The following THSD4 variants were observed in gnomAD, a reference collection of about 807,000 sequenced individuals.
THSD4 encodes thrombospondin type 1 domain containing 4, also known as thrombospondin type-1 domain-containing protein 4.
In THSD4, 69 loss-of-function variants were observed where a neutral mutation model predicts 119.0. The observed-to-expected ratio is 0.58, with a 90% confidence interval of 0.48 to 0.71. The LOEUF is 0.71. Among genes scored for constraint, THSD4 ranks in the 30% least tolerant of loss-of-function variants. The pLI is 0.00. For synonymous variants in THSD4, 524 were observed against 540.4 expected, an observed-to-expected ratio of 0.97 and a Z score of 0.42; for missense variants, 1,393 against 1,391.1, an observed-to-expected ratio of 1.00 and a Z score of -0.02.
At chr15:71,157,952 A>G (rs1326650373) in intron 3 of THSD4, among the ~76,000 whole-genome samples, 1 of 151,982 alleles carries the variant, frequency 6.6e-6, no homozygotes, top group Admixed American at 6.6e-5. Context: ...ACATAGGGGC[A>G]CAGATGTTTC....
intron 6 of THSD4, among the ~76,000 whole-genome samples, chr15:71,268,886 G>A (rs2044496332): frequency 6.6e-6 from 1 of 151,956 alleles, no homozygotes; most frequent in Non-Finnish European, 1.5e-5. Flanking sequence ...ATTCCTGGAT[G>A]AATACACCCT....
intron 4 of THSD4, among the ~76,000 whole-genome samples, chr15:71,223,660 G>A (rs978621518): frequency 6.6e-6 from 1 of 152,200 alleles, no homozygotes; most frequent in South Asian, 2.1e-4. Context: ...GGGGTAGACA[G>A]GTGAAAGAGG....
intron 2 of THSD4, among the ~76,000 whole-genome samples, chr15:71,152,793 T>C (rs1171222786): frequency 6.6e-6 from 1 of 152,184 alleles, no homozygotes; most frequent in African/African-American, 2.4e-5. Context: ...GCTCTCCTGC[T>C]GCGCCATGCC....
At position 71,758,003 on chromosome 15, in the gene THSD4, G is replaced by A. The variant is rs373210402; in HGVS notation, c.2517G>A (p.Pro839=). 38 of 1,613,752 alleles carry A rather than the reference G, an allele frequency of 2.4e-5. 1 individual carries two copies. Among genetic ancestry groups the A allele is most frequent in the East Asian group, 2.2e-4 (10 of 44,878 alleles). Reference sequence around the variant, plus strand: ...TGGAGGGCTGTGGGAACAACCGGCCGGCAGAGGCCACCCCATGTGACAACG... The same window carrying A: ...TGGAGGGCTGTGGGAACAACCGGCCAGCAGAGGCCACCCCATGTGACAACG... The part of the protein sequence containing the change: ...LPLEGCGNNR[P]AEATPCDNGP... Residue 839 remains proline (P), a synonymous_variant, in exon 15 of 18, where the codon CCG becomes CCA. Transcript: ENST00000261862.
chr15:71,721,940 G>A lies in THSD4; in HGVS notation c.1358-6609G>A, dbSNP rs147557997. On this transcript the variant is annotated intron_variant, in intron 8 of 17. Transcript: ENST00000261862. ...TACAGTGAGCTATAATGGTGCCACT[G>A]CACTCCAGCCTGGGTGACAGAGTGA... 2.6e-3 allele frequency among the ~76,000 whole-genome samples: 393 copies of A among 149,580 alleles called. 2 individuals carry two copies. The highest frequency in any genetic ancestry group is 9.3e-3 in the African/African-American group (382 of 41,108).
At chr15:71,486,611 G>GTTTT (rs200120589) in intron 7 of THSD4, among the ~76,000 whole-genome samples, 3 of 131,708 alleles carry the variant, frequency 2.3e-5, no homozygotes, top group African/African-American at 2.9e-5. Context: ...TTTCTTTTCT[G>GTTTT]TTTTTTTTTT....
At chr15:71,764,664 G>C (rs970163515) in intron 15 of THSD4, among the ~76,000 whole-genome samples, 1 of 152,242 alleles carries the variant, frequency 6.6e-6, no homozygotes, top group Non-Finnish European at 1.5e-5. Context: ...CCTCCTGTGA[G>C]AGGTGCCAGA....
At chr15:71,478,788 C>A (rs1001366960) in intron 7 of THSD4, among the ~76,000 whole-genome samples, 1 of 152,098 alleles carries the variant, frequency 6.6e-6, no homozygotes, top group African/African-American at 2.4e-5. Context: ...CCACAAAGGA[C>A]GAGAATCATA....
At chr15:71,486,124 A>G (rs775363282) in intron 7 of THSD4, among the ~76,000 whole-genome samples, 5 of 152,022 alleles carry the variant, frequency 3.3e-5, no homozygotes, top group African/African-American at 7.2e-5. Flanking sequence ...TTCAGTCTTG[A>G]GCACCCTTAC....
rs57687864 is a variant in THSD4, at chr15:71,377,914, A to ACCCACACACCCACACACCT, written c.1016-33773_1016-33772insCCCACACACCCACACACCT. On this transcript the variant is annotated intron_variant, in intron 6 of 17. Coordinates refer to ENST00000261862, the MANE Select transcript of THSD4 (RefSeq NM_024817.3). ...CACACACACACACACACACACACAC[A>ACCCACACACCCACACACCT]ATTTCCTTCAGTGACTCTTCTGAAA... Among the ~76,000 whole-genome samples the ACCCACACACCCACACACCT allele has an allele frequency of 2.2e-3, 320 of 146,254 alleles. 4 individuals carry two copies. Among genetic ancestry groups the ACCCACACACCCACACACCT allele is most frequent in the African/African-American group, 4.0e-3 (159 of 39,764 alleles).
At chr15:71,360,139 G>T (rs2045873346) in intron 6 of THSD4, among the ~76,000 whole-genome samples, 2 of 152,140 alleles carry the variant, frequency 1.3e-5, no homozygotes, top group African/African-American at 4.8e-5. Context: ...TGGCACGTGG[G>T]GAAGAGCTGG....
intron 1 of THSD4, among the ~76,000 whole-genome samples, chr15:71,121,678 T>C (rs1314998938): frequency 2.0e-5 from 3 of 152,176 alleles, no homozygotes; most frequent in Non-Finnish European, 1.5e-5. Flanking sequence ...GGTCCTCCAG[T>C]GGTACTGGCC....
intron 8 of THSD4, among the ~76,000 whole-genome samples, chr15:71,684,847 A>G (rs941443877): frequency 3.3e-5 from 5 of 152,156 alleles, no homozygotes; most frequent in Non-Finnish European, 5.9e-5. Flanking sequence ...AAAACTCACC[A>G]ATAAAAAACA....
chr15:71,194,915 C>T (rs2043706406), intron 3 of THSD4, among the ~76,000 whole-genome samples: 1 of 151,920 alleles, frequency 6.6e-6, no homozygotes, highest in African/African-American at 2.4e-5. Flanking sequence ...CTGGGAAAGT[C>T]GGCGGCCACC....
At position 71,595,002 on chromosome 15, in the gene THSD4, G is replaced by C. The variant is rs1010745837; in HGVS notation, c.1153-65528G>C. ...CTATCTAGGGGGTCAGTCAATCCCA[G>C]TGGTGGGAACTAAGTGGTGATATGG... On this transcript the variant is annotated intron_variant, in intron 7 of 17. Transcript: ENST00000261862. Among the ~76,000 whole-genome samples, 36 of 152,214 alleles carry C rather than the reference G, an allele frequency of 2.4e-4. 1 individual carries two copies. Among genetic ancestry groups the C allele is most frequent in the Admixed American group, 2.4e-3 (36 of 15,286 alleles).
intron 1 of THSD4, among the ~76,000 whole-genome samples, chr15:71,140,788 A>T (rs557274552): frequency 6.6e-6 from 1 of 152,334 alleles, no homozygotes; most frequent in East Asian, 1.9e-4. Context: ...TTGTACAACC[A>T]TCACCACAAT....
intron 6 of THSD4, among the ~76,000 whole-genome samples, chr15:71,334,334 G>A (rs757515053): frequency 1.3e-5 from 2 of 152,118 alleles, no homozygotes; most frequent in South Asian, 2.1e-4. Flanking sequence ...CTTTGAAACC[G>A]ACACTCGACT....
rs1247822640 is a variant in THSD4 at position 71,480,032 on chromosome 15, T to C, written c.1152+68209T>C. ...CATACATTGTTTGTAACTTCCTTCCTTTCCTTCCTTTCTTTCTTTCCTGAG... is the reference window on the plus strand; with the variant it reads ...CATACATTGTTTGTAACTTCCTTCCCTTCCTTCCTTTCTTTCTTTCCTGAG... On this transcript the variant is annotated intron_variant, in intron 7 of 17. Coordinates refer to ENST00000261862, the MANE Select transcript of THSD4 (RefSeq NM_024817.3). Among the ~76,000 whole-genome samples the C allele has an allele frequency of 2.0e-5, 3 of 152,134 alleles. No individual in the cohort carries two copies. In the East Asian group the frequency reaches 5.8e-4, roughly 29 times the overall value.
chr15:71,426,365 C>CTGTGTGTGTGTG (rs199965138), intron 7 of THSD4, among the ~76,000 whole-genome samples: 28 of 102,568 alleles, frequency 2.7e-4, no homozygotes, highest in African/African-American at 9.6e-4. Context: ...GTAAGTATAG[C>CTGTGTGTGTGTG]TGTGTGTGTG....
Sources: allele counts gnomAD v4.1 joint callset (sites outside exome capture counted in the v4.1 genomes callset), GRCh38; gene constraint gnomAD v4.1.1; transcripts MANE v1.5; gene names NCBI Gene and HGNC (gene_info 2026-07-23, HGNC 2026-07-21).